Variants in EOGT observed in about 807,000 individuals in gnomAD.
EOGT encodes EGF domain specific O-linked N-acetylglucosamine transferase, also known as EGF domain-specific O-linked N-acetylglucosamine transferase.
Under a neutral mutation model 70.5 loss-of-function variants are expected in EOGT, and 55 were observed. That is an observed-to-expected ratio of 0.78 (90% CI 0.63 to 0.98). The LOEUF is 0.98. Among genes scored for constraint, EOGT ranks in the 50% least tolerant of loss-of-function variants. The probability of loss-of-function intolerance (pLI) is 0.00; values close to 1 mark genes in which losing one functional copy is unlikely to be tolerated. For missense variants in EOGT, 703 were observed against 641.9 expected, an observed-to-expected ratio of 1.10 and a Z score of -1.03; for synonymous variants, 246 against 217.1, an observed-to-expected ratio of 1.13 and a Z score of -1.17.
chr3:68,989,967 A>G (rs917486050), intron 10 of EOGT, among the ~76,000 whole-genome samples: 2 of 151,980 alleles, frequency 1.3e-5, no homozygotes, highest in Admixed American at 6.6e-5. Flanking sequence ...ATAAAAATAT[A>G]TAACATATGT....
At chr3:69,000,917 G>A (rs1336154744) in intron 9 of EOGT, among the ~76,000 whole-genome samples, 3 of 151,540 alleles carry the variant, frequency 2.0e-5, no homozygotes, top group East Asian at 3.9e-4. Flanking sequence ...CGCAGGTCAT[G>A]GACACTTCTT....
At chr3:69,001,738 A>C (rs759785357) in intron 8 of EOGT, 24 bp from the exon 9 acceptor site, 1 of 1,491,804 alleles carries the variant, frequency 6.7e-7, no homozygotes, top group Non-Finnish European at 9.3e-7. Flanking sequence ...TTGGGACATG[A>C]CTTCAAACTG....
rs115324611 is a variant in EOGT, at chr3:69,004,531, C to G, written c.516-49G>C. 5.3e-4 allele frequency: 703 copies of G among 1,317,702 alleles called. 2 individuals are homozygous for G. In the African/African-American group the frequency reaches 8.8e-3, roughly 16 times the overall value. 81.6% of individuals were successfully genotyped at this position (1,317,702 alleles called of 1,614,324 possible). On this transcript the variant is annotated intron_variant, in intron 7 of 17. Transcript: ENST00000383701. ...TTAAGTTCAGAAAACGTCTTCATGACCCAAGCACGTGGGTTGTAACTAAAG... is the reference window on the plus strand; with the variant it reads ...TTAAGTTCAGAAAACGTCTTCATGAGCCAAGCACGTGGGTTGTAACTAAAG...
intron 14 of EOGT, among the ~76,000 whole-genome samples, chr3:68,983,259 G>A (rs1051221797): frequency 1.3e-5 from 2 of 152,138 alleles, no homozygotes; most frequent in Admixed American, 6.5e-5. Context: ...TTGGGCATCA[G>A]AATGCCCAAA....
chr3:68,981,465 C>T (rs376451649), intron 15 of EOGT, among the ~76,000 whole-genome samples: 3 of 152,218 alleles, frequency 2.0e-5, no homozygotes, highest in African/African-American at 7.2e-5. Context: ...AAAGTGTTCA[C>T]AGTGTTAGAT....
intron 6 of EOGT, 91 bp downstream of exon 6, chr3:69,007,622 A>G (rs2091471403): frequency 1.3e-6 from 1 of 766,438 alleles, no homozygotes; most frequent in South Asian, 1.8e-5. Context: ...ACTGCACTCC[A>G]GCCAGGGCAA....
intron 6 of EOGT, 35 bp downstream of exon 6, chr3:69,007,677 TA>T: frequency 7.5e-7 from 1 of 1,333,314 alleles, no homozygotes; most frequent in Non-Finnish European, 1.1e-6. Context: ...TAAAATTAAA[TA>T]AACAAGTTTA....
At chr3:69,012,029 A>C (rs992283016) in intron 2 of EOGT, 38 bp from the exon 3 acceptor site, 9 of 152,240 alleles carry the variant, frequency 5.9e-5, no homozygotes, top group Non-Finnish European at 1.2e-4. Context: ...AAAGGATGCT[A>C]AAGTAAACCT....
chr3:68,995,953 A>T (rs973312738), intron 10 of EOGT, among the ~76,000 whole-genome samples: 2 of 152,196 alleles, frequency 1.3e-5, no homozygotes, highest in African/African-American at 2.4e-5. Flanking sequence ...GCATGAAATG[A>T]AGTAACATAA....
intron 9 of EOGT, among the ~76,000 whole-genome samples, chr3:69,000,481 C>T (rs1461273809): frequency 6.6e-6 from 1 of 152,128 alleles, no homozygotes; most frequent in Non-Finnish European, 1.5e-5. Context: ...CATTTTTACT[C>T]GCTTTTATTT....
intron 3 of EOGT, among the ~76,000 whole-genome samples, chr3:69,010,664 T>C (rs753034437): frequency 3.3e-5 from 5 of 152,214 alleles, no homozygotes; most frequent in Admixed American, 6.5e-5. Context: ...CTAAATGCTA[T>C]GGAAATGTTT....
intron 10 of EOGT, among the ~76,000 whole-genome samples, chr3:68,992,033 G>C (rs1359067923): frequency 6.6e-6 from 1 of 152,154 alleles, no homozygotes; most frequent in Non-Finnish European, 1.5e-5. Context: ...CCTCCCATAA[G>C]ATGTGGGAAT....
At chr3:68,997,328 A>T (rs903429800) in intron 10 of EOGT, among the ~76,000 whole-genome samples, 2 of 152,296 alleles carry the variant, frequency 1.3e-5, no homozygotes, top group African/African-American at 4.8e-5. Flanking sequence ...AAACAGAGGC[A>T]AGCACTTCCA....
At chr3:68,992,715 T>G (rs553436792) in intron 10 of EOGT, among the ~76,000 whole-genome samples, 1 of 152,340 alleles carries the variant, frequency 6.6e-6, no homozygotes, top group Non-Finnish European at 1.5e-5. Flanking sequence ...CCTTCCACAC[T>G]GCCTTAGCAG....
At chr3:69,011,543 C>T (rs1365612672) in intron 3 of EOGT, among the ~76,000 whole-genome samples, 16 of 145,306 alleles carry the variant, frequency 1.1e-4, no homozygotes, top group Admixed American at 8.5e-4. Flanking sequence ...TGCAGTGAGT[C>T]GTGATCTCGC....
At chr3:68,992,843 C>T (rs2091033554) in intron 10 of EOGT, among the ~76,000 whole-genome samples, 4 of 152,222 alleles carry the variant, frequency 2.6e-5, no homozygotes, top group Admixed American at 2.6e-4. Context: ...GACTTCTGTG[C>T]ACCGCAGGCT....
At chr3:69,001,751 T>C (rs751362929) in intron 8 of EOGT, 37 bp from the exon 9 acceptor site, 2 of 1,382,238 alleles carry the variant, frequency 1.4e-6, no homozygotes, top group Non-Finnish European at 2.0e-6. Context: ...TCAAACTGAT[T>C]CTCCCAAACT....
At position 68,975,921 on chromosome 3, in the gene EOGT, T is replaced by A. The variant is rs1055762921; in HGVS notation, c.*1697A>T. The stretch of plus-strand genomic sequence containing the variant: ...ACAACTGTAAAATATTTTTAAAAAA[T>A]TATTTAGCTATTCTGTAATTTGTTA... On this transcript the variant is annotated 3_prime_UTR_variant, in exon 18 of 18. Coordinates refer to ENST00000383701, the MANE Select transcript of EOGT (RefSeq NM_001278689.2). 1 of 152,224 alleles carries A rather than the reference T, an allele frequency of 6.6e-6. No individual in the cohort carries two copies. The highest frequency in any genetic ancestry group is 1.9e-4 in the East Asian group (1 of 5,204). 9.4% of individuals were successfully genotyped at this position (152,224 alleles called of 1,614,324 possible). A position where few individuals can be genotyped will look rare whatever the true frequency, so the allele number is the denominator to read the frequency against.
In EOGT at chr3:68,977,633, T is replaced by C. The variant is rs748705086; in HGVS notation, c.1569A>G (p.Lys523=). 73 of 1,613,734 alleles carry C rather than the reference T, an allele frequency of 4.5e-5. 3 individuals are homozygous for C. In the South Asian group the frequency reaches 8.0e-4, roughly 18 times the overall value. Residue 523 remains lysine (K), a synonymous_variant, in exon 18 of 18, where the codon AAA becomes AAG. Transcript: ENST00000383701. The stretch of plus-strand genomic sequence containing the variant: ...CTCAGCATATTTATAGCTCATCATG[T>C]TTCTTCTTAAATGGCCACTTTGGGT... ...LQHPKWPFKK[K]HDEL
Sources: allele counts gnomAD v4.1 joint callset (sites outside exome capture counted in the v4.1 genomes callset), GRCh38; gene constraint gnomAD v4.1.1; transcripts MANE v1.5; gene names NCBI Gene and HGNC (gene_info 2026-07-23, HGNC 2026-07-21).